CADPS: variants seen among roughly 807,000 people sequenced by gnomAD.
CADPS encodes calcium dependent secretion activator.
In CADPS, 57 loss-of-function variants were observed where a neutral mutation model predicts 167.3. The ratio of observed to expected loss-of-function variants is 0.34; its 90% CI spans 0.28 to 0.42. The LOEUF (loss-of-function observed/expected upper bound fraction) is 0.42, where lower values mean the gene tolerates loss of function less well. CADPS is among the 20% of genes least tolerant of loss of function. The probability of loss-of-function intolerance (pLI) is 1.00; values close to 1 mark genes in which losing one functional copy is unlikely to be tolerated. For synonymous variants in CADPS, 676 were observed against 635.3 expected (o/e 1.06, Z -0.96); for missense variants, 1,414 against 1,738.1 (o/e 0.81, Z 3.32).
chr3:62,756,149 T>C (rs62244510), intron 2 of CADPS, among the ~76,000 whole-genome samples: 4,856 of 151,600 alleles, frequency 0.032, 107 homozygotes, highest in Middle Eastern at 0.068. Context: ...GCCTCCTGGG[T>C]TCAAGCGATT....
At chr3:62,431,883 G>C (rs1309011703) in intron 28 of CADPS, among the ~76,000 whole-genome samples, 1 of 149,592 alleles carries the variant, frequency 6.7e-6, no homozygotes, top group Non-Finnish European at 1.5e-5. Context: ...TAATTATATA[G>C]AAAAAGATTA....
chr3:62,423,964 T>C (rs1386109360), intron 28 of CADPS, among the ~76,000 whole-genome samples: 1 of 152,226 alleles, frequency 6.6e-6, no homozygotes. Context: ...TATTAGAAAC[T>C]TCAATTAATT....
intron 1 of CADPS, among the ~76,000 whole-genome samples, chr3:62,830,293 C>T (rs2074844899): frequency 6.6e-6 from 1 of 152,112 alleles, no homozygotes; most frequent in Non-Finnish European, 1.5e-5. Flanking sequence ...ATCAAAGTTG[C>T]TTTTCCGGGT....
At position 62,779,487 on chromosome 3, in the gene CADPS, G is replaced by GCTTTCCCTT. The variant is rs562238304; in HGVS notation, c.442-13512_442-13504dup. 110 of 538,138 alleles carry GCTTTCCCTT rather than the reference G, an allele frequency of 2.0e-4. 1 individual carries two copies. Among genetic ancestry groups the GCTTTCCCTT allele is most frequent in the Non-Finnish European group, 3.2e-4 (85 of 264,088 alleles). The allele number at this position is 538,138 out of a possible 1,614,324, so 33.3% of individuals were successfully genotyped here. On this transcript the variant is annotated intron_variant, in intron 1 of 29. Coordinates refer to ENST00000383710, the MANE Select transcript of CADPS (RefSeq NM_003716.4). ...AAAATGATCAAAATCTGCCATCTTG[G>GCTTTCCCTT]CTTTCCCTTCTCTGGCTTCAATCTT...
intron 21 of CADPS, among the ~76,000 whole-genome samples, chr3:62,483,109 T>C (rs1654461933): frequency 6.6e-6 from 1 of 151,992 alleles, no homozygotes; most frequent in African/African-American, 2.4e-5. Flanking sequence ...GAGCCCAGCC[T>C]AACTCTGCAT....
chr3:62,494,575 G>GA (rs531940944), intron 18 of CADPS, among the ~76,000 whole-genome samples: 2 of 151,044 alleles, frequency 1.3e-5, no homozygotes, highest in Admixed American at 1.3e-4. Context: ...AGAATGACAG[G>GA]AAAAAACAAA....
chr3:62,535,020 G>C (rs1225616113), intron 12 of CADPS, among the ~76,000 whole-genome samples: 7 of 151,894 alleles, frequency 4.6e-5, no homozygotes, highest in Non-Finnish European at 8.8e-5. Context: ...TTTAAAAAAT[G>C]ATAATGTGAA....
intron 6 of CADPS, among the ~76,000 whole-genome samples, chr3:62,643,144 A>T (rs186771482): frequency 6.6e-6 from 1 of 152,336 alleles, no homozygotes; most frequent in East Asian, 1.9e-4. Flanking sequence ...AGAGGAAGAC[A>T]CACGAGTGTT....
At chr3:62,470,093 G>A (rs541614651) in intron 24 of CADPS, among the ~76,000 whole-genome samples, 13 of 152,194 alleles carry the variant, frequency 8.5e-5, no homozygotes, top group African/African-American at 2.4e-4. Flanking sequence ...TATTTAATAC[G>A]CAATTTCCCT....
chr3:62,530,835 T>G, intron 13 of CADPS: 2 of 1,256,394 alleles, frequency 1.6e-6, no homozygotes, highest in Non-Finnish European at 2.1e-6. Flanking sequence ...GGTGGTCGCA[T>G]GAGGCATGCA....
chr3:62,619,730 C>G (rs904652050), intron 6 of CADPS, among the ~76,000 whole-genome samples: 1 of 152,126 alleles, frequency 6.6e-6, no homozygotes, highest in Non-Finnish European at 1.5e-5. Flanking sequence ...TTGGAAATTA[C>G]AAGGGACAGA....
At chr3:62,758,418 A>G (rs1296997946) in intron 2 of CADPS, among the ~76,000 whole-genome samples, 3 of 152,180 alleles carry the variant, frequency 2.0e-5, no homozygotes, top group Non-Finnish European at 2.9e-5. Context: ...CCATGAGGAG[A>G]GAAGGTGGCA....
intron 3 of CADPS, among the ~76,000 whole-genome samples, chr3:62,702,706 C>A (rs143284566): frequency 1.5e-4 from 23 of 152,212 alleles, no homozygotes; most frequent in African/African-American, 5.5e-4. Context: ...TTCATTATGA[C>A]AGCTACTAGT....
At chr3:62,464,524 G>C (rs983623588) in intron 26 of CADPS, among the ~76,000 whole-genome samples, 1 of 152,156 alleles carries the variant, frequency 6.6e-6, no homozygotes, top group Non-Finnish European at 1.5e-5. Context: ...CTAGCATCAG[G>C]AAGAGTGGGA....
intron 1 of CADPS, among the ~76,000 whole-genome samples, chr3:62,819,432 G>A (rs926108472): frequency 3.3e-5 from 5 of 151,780 alleles, no homozygotes; most frequent in Middle Eastern, 3.2e-3. Context: ...GTGTGTGTGT[G>A]TGTGTGTGTG....
chr3:62,829,752 A>G (rs2074726978), intron 1 of CADPS, among the ~76,000 whole-genome samples: 1 of 152,134 alleles, frequency 6.6e-6, no homozygotes, highest in Non-Finnish European at 1.5e-5. Context: ...TTTATATTCA[A>G]TGTTAATGAA....
At chr3:62,590,207 T>A (rs1239831265) in intron 7 of CADPS, among the ~76,000 whole-genome samples, 1 of 141,390 alleles carries the variant, frequency 7.1e-6, no homozygotes, top group African/African-American at 2.7e-5. Context: ...AAAAAAAAAA[T>A]TCCAGGGCAT....
chr3:62,649,839 G>T (rs1027254333), intron 5 of CADPS, among the ~76,000 whole-genome samples: 1 of 151,912 alleles, frequency 6.6e-6, no homozygotes, highest in Admixed American at 6.6e-5. Context: ...GACATGAGCC[G>T]CCATGCCAAG....
chr3:62,464,167 A>T (rs929496540), intron 26 of CADPS, among the ~76,000 whole-genome samples: 3 of 152,208 alleles, frequency 2.0e-5, no homozygotes, highest in African/African-American at 7.2e-5. Flanking sequence ...GGAACATATT[A>T]TCTGCCCTGC....
Sources: allele counts gnomAD v4.1 joint callset (sites outside exome capture counted in the v4.1 genomes callset), GRCh38; gene constraint gnomAD v4.1.1; transcripts MANE v1.5; gene names NCBI Gene and HGNC (gene_info 2026-07-23, HGNC 2026-07-21).